The following CELSR1 variants were observed in gnomAD, a reference collection of about 807,000 sequenced individuals.
The protein encoded by CELSR1 is cadherin EGF LAG seven-pass G-type receptor 1, also known as adhesion G protein-coupled receptor C1.
In CELSR1, 110 loss-of-function variants were observed where a neutral mutation model predicts 249.1. That is an observed-to-expected ratio of 0.44 (90% CI 0.38 to 0.52). The LOEUF is 0.52. CELSR1 is among the 20% of genes least tolerant of loss of function. The pLI is 0.00. For synonymous variants in CELSR1, 2,113 were observed against 1,900.0 expected, an observed-to-expected ratio of 1.11 and a Z score of -2.92; for missense variants, 4,109 against 4,296.4, an observed-to-expected ratio of 0.96 and a Z score of 1.22.
At chr22:46,416,108 G>GGGGGGGCGGC (rs1215685608) in intron 5 of CELSR1, among the ~76,000 whole-genome samples, 3 of 127,690 alleles carry the variant, frequency 2.3e-5, no homozygotes, top group South Asian at 4.6e-4. Context: ...GTTGCAGAGG[G>GGGGGGGCGGC]GGGCGGATAA....
At chr22:46,369,868 G>C in intron 25 of CELSR1, 64 bp from the exon 26 acceptor site, 1 of 1,400,286 alleles carries the variant, frequency 7.1e-7, no homozygotes. Flanking sequence ...CCCATGCCAA[G>C]GACCAGCCAG....
chr22:46,404,553 T>TA (rs1240353458), intron 9 of CELSR1, among the ~76,000 whole-genome samples: 10 of 152,258 alleles, frequency 6.6e-5, no homozygotes, highest in African/African-American at 2.2e-4. Context: ...AAAGATTATG[T>TA]AACTAAAACT....
intron 2 of CELSR1, among the ~76,000 whole-genome samples, chr22:46,462,320 C>T (rs143286909): frequency 5.3e-4 from 81 of 152,322 alleles, no homozygotes; most frequent in Middle Eastern, 3.4e-3. Context: ...ACCTGGAGCG[C>T]AGGAAGTCAG....
Position 46,364,244 on chromosome 22 carries a change from C to T in CELSR1, c.8787G>A (p.Leu2929=). The T allele has an allele frequency of 6.2e-7, 1 of 1,608,460 alleles. No individual in the cohort carries two copies. The highest frequency in any genetic ancestry group is 2.2e-5 in the East Asian group (1 of 44,866). ...SQPPEQRKGI[L]KNKVTYPPPL... is the part of the protein sequence containing the mutation. ...GCGGCGGGTAGGTGACTTTATTTTT[C>T]AAGATGCCTGGGAGGAGGAGACACG... is the stretch of plus-strand genomic sequence containing the variant. Residue 2929 remains leucine, a synonymous_variant, in exon 34 of 35, where the codon TTG becomes TTA. Transcript: ENST00000674500.
In CELSR1 at chr22:46,386,447, GCACGTTGCGTGC is replaced by G. The variant is rs2079034623; in HGVS notation, c.6682_6693del (p.Ala2228_Val2231del). The G allele has an allele frequency of 1.2e-6, 2 of 1,600,776 alleles. No individual in the cohort carries two copies. The highest frequency in any genetic ancestry group is 1.7e-6 in the Non-Finnish European group (2 of 1,174,516). On this transcript the variant is annotated inframe_deletion, in exon 19 of 35. Transcript: ENST00000674500. ...ACGAAGGGCCGCAGGTACGTCCGCC[GCACGTTGCGTGC>G]CACGTTGCTGAAGTAGCCCTCGAGG...
chr22:46,517,199 T>C lies in CELSR1; in HGVS notation c.3544+16428A>G, dbSNP rs1438569460. 6.6e-6 allele frequency among the ~76,000 whole-genome samples: 1 copy of C among 152,332 alleles called. No homozygotes were observed. Among genetic ancestry groups the C allele is most frequent in the Non-Finnish European group, 1.5e-5 (1 of 68,028 alleles). On this transcript the variant is annotated intron_variant, in intron 1 of 34. Coordinates refer to ENST00000674500, the MANE Select transcript of CELSR1 (RefSeq NM_001378328.1). This position sits in a 1 kb window ranked among gnomAD's most constrained non-coding sequence, Gnocchi z 5.4. ...GAGCATGGAGCTGCCAGGTGCAAGTTTGGCCCCTGAAGGGGCTTGGCCCAT... is the reference window on the plus strand; with the variant it reads ...GAGCATGGAGCTGCCAGGTGCAAGTCTGGCCCCTGAAGGGGCTTGGCCCAT...
rs2147318701 is a variant in CELSR1 at position 46,407,997 on chromosome 22, C to T, written c.5226+999G>A. On this transcript the variant is annotated intron_variant, in intron 9 of 34. Transcript: ENST00000674500. The surrounding 1 kb of genome is among the most constrained non-coding windows in gnomAD (Gnocchi z 4.8). Reference sequence around the variant, plus strand: ...TCCTGGGGAGGGTCCCCATGGCTGCCTCATGCGGCGGAGGTTGTGGCAGAA... The same window carrying T: ...TCCTGGGGAGGGTCCCCATGGCTGCTTCATGCGGCGGAGGTTGTGGCAGAA... Among the ~76,000 whole-genome samples the T allele has an allele frequency of 6.6e-6, 1 of 152,318 alleles. No individual in the cohort carries two copies. The highest frequency in any genetic ancestry group is 2.1e-4 in the South Asian group (1 of 4,824).
intron 4 of CELSR1, among the ~76,000 whole-genome samples, 184 bp downstream of exon 4, chr22:46,435,990 C>T (rs990038947): frequency 3.9e-5 from 6 of 152,192 alleles, no homozygotes; most frequent in South Asian, 2.1e-4. Context: ...TGAGCCACCA[C>T]GCCCGGCCTG....
intron 1 of CELSR1, among the ~76,000 whole-genome samples, chr22:46,495,644 T>C (rs2080405646): frequency 6.6e-6 from 1 of 151,804 alleles, no homozygotes; most frequent in Admixed American, 6.6e-5. Context: ...GAGACCAGCC[T>C]AGCTAACATG....
In CELSR1 at chr22:46,372,668, C is replaced by G. The variant is rs531517532; in HGVS notation, c.7759+215G>C. 3.2e-4 allele frequency among the ~76,000 whole-genome samples: 48 copies of G among 152,258 alleles called. No homozygotes were observed. In the South Asian group the frequency reaches 9.9e-3, roughly 32 times the overall value. ...ACCCTGAACAGACCTGGACCCAGCT[C>G]TCAATGAGCTCACACCTCACAGAAG... is the stretch of plus-strand genomic sequence containing the variant. On this transcript the variant is annotated intron_variant, in intron 25 of 34. Coordinates refer to ENST00000674500, the MANE Select transcript of CELSR1 (RefSeq NM_001378328.1).
chr22:46,362,967 C>T lies in CELSR1; in HGVS notation c.*256G>A. The T allele has an allele frequency of 1.5e-6, 1 of 646,438 alleles. No individual in the cohort carries two copies. Among genetic ancestry groups the T allele is most frequent in the Non-Finnish European group, 2.6e-6 (1 of 377,718 alleles). The allele number at this position is 646,438 out of a possible 1,614,324, so 40.0% of individuals were successfully genotyped here. On this transcript the variant is annotated 3_prime_UTR_variant, in exon 35 of 35. Transcript: ENST00000674500. ...TGCTGGCCCAGTGGTCCACGCCTCC[C>T]TCATGCCTGTGGCCTTTGGCACTTG...
chr22:46,506,499 A>G lies in CELSR1; in HGVS notation c.3544+27128T>C, dbSNP rs1490749662. Among the ~76,000 whole-genome samples, 1 of 152,166 alleles carries G rather than the reference A, an allele frequency of 6.6e-6. No homozygotes were observed. The highest frequency in any genetic ancestry group is 1.9e-4 in the East Asian group (1 of 5,194). On this transcript the variant is annotated intron_variant, in intron 1 of 34. Coordinates refer to ENST00000674500, the MANE Select transcript of CELSR1 (RefSeq NM_001378328.1). This position sits in a 1 kb window ranked among gnomAD's most constrained non-coding sequence, Gnocchi z 4.1. ...AGTCCAGCCCAACCGGCCCTGCCTC[A>G]GGTCTGCGTTCTGCCAGCCTCAGCC...
At position 46,417,503 on chromosome 22, in the gene CELSR1, G is replaced by C. The variant is rs1000856488; in HGVS notation, c.4612-5744C>G. 1.3e-5 allele frequency among the ~76,000 whole-genome samples: 2 copies of C among 152,170 alleles called. No homozygotes were observed. The highest frequency in any genetic ancestry group is 2.9e-5 in the Non-Finnish European group (2 of 68,050). ...CCGGCTGCTTTTGATGACCTGGCTCGAAGGGTGCGGTATTCCCCCAGGGCT... is the reference window on the plus strand; with the variant it reads ...CCGGCTGCTTTTGATGACCTGGCTCCAAGGGTGCGGTATTCCCCCAGGGCT... On this transcript the variant is annotated intron_variant, in intron 5 of 34. Transcript: ENST00000674500. This position sits in a 1 kb window ranked among gnomAD's most constrained non-coding sequence, Gnocchi z 4.1.
chr22:46,458,238 G>A lies in CELSR1; in HGVS notation c.4183+5469C>T, dbSNP rs532395314. Among the ~76,000 whole-genome samples the A allele has an allele frequency of 7.2e-5, 11 of 152,262 alleles. No homozygotes were observed. The South Asian group carries it at 2.3e-3, about 32-fold the overall frequency. On this transcript the variant is annotated intron_variant, in intron 2 of 34. Transcript: ENST00000674500. ...CAGAGTGACCTCAGCCTGGGGAGCC[G>A]GGGGTGAGGCTAGACCTCTGAGTGC...
At chr22:46,394,791 G>A (rs1330872273) in intron 13 of CELSR1, among the ~76,000 whole-genome samples, 2 of 152,174 alleles carry the variant, frequency 1.3e-5, no homozygotes, top group Middle Eastern at 3.2e-3. Flanking sequence ...GCATGCGCCC[G>A]TGCACTCGGA....
rs1421327800 is a variant in CELSR1 at position 46,433,359 on chromosome 22, TG to T, written c.4611+33del. Reference sequence around the variant, plus strand: ...CCCAGGGCACCTTCTCGAGCCGCCCTGGGGCCAGGGGGAAGTGGTGGGGCCC... The same window carrying T: ...CCCAGGGCACCTTCTCGAGCCGCCCTGGGCCAGGGGGAAGTGGTGGGGCCC... On this transcript the variant is annotated intron_variant, in intron 5 of 34. Coordinates refer to ENST00000674500, the MANE Select transcript of CELSR1 (RefSeq NM_001378328.1). This position sits in a 1 kb window ranked among gnomAD's most constrained non-coding sequence, Gnocchi z 5.7. 2 of 1,581,640 alleles carry T rather than the reference TG, an allele frequency of 1.3e-6. No individual in the cohort carries two copies. Among genetic ancestry groups the T allele is most frequent in the Non-Finnish European group, 8.7e-7 (1 of 1,154,556 alleles).
chr22:46,414,143 C>T lies in CELSR1; in HGVS notation c.4612-2384G>A, dbSNP rs554407171. Among the ~76,000 whole-genome samples, 8 of 152,292 alleles carry T rather than the reference C, an allele frequency of 5.3e-5. No individual in the cohort carries two copies. In the East Asian group the frequency reaches 1.5e-3, roughly 29 times the overall value. ...GAGTGGCACTGACTCATGTGAGACA[C>T]CCACTGCTAGGACACCTGACTTCAG... On this transcript the variant is annotated intron_variant, in intron 5 of 34. Coordinates refer to ENST00000674500, the MANE Select transcript of CELSR1 (RefSeq NM_001378328.1).
rs1023058213 is a variant in CELSR1, at chr22:46,473,797, C to T, written c.3545-9452G>A. ...CAGGGAACTTTGAAGTGGCTGTGTG[C>T]GTCTCTCTCTCTTCTGGGTTTGTTT... On this transcript the variant is annotated intron_variant, in intron 1 of 34. Transcript: ENST00000674500. The surrounding 1 kb of genome is among the most constrained non-coding windows in gnomAD (Gnocchi z 6.6). 9.9e-5 allele frequency among the ~76,000 whole-genome samples: 15 copies of T among 152,260 alleles called. No individual in the cohort carries two copies. The highest frequency in any genetic ancestry group is 1.9e-4 in the East Asian group (1 of 5,174).
intron 23 of CELSR1, among the ~76,000 whole-genome samples, chr22:46,377,802 GC>G (rs1315976957): frequency 6.6e-6 from 1 of 152,230 alleles, no homozygotes; most frequent in African/African-American, 2.4e-5. Flanking sequence ...CCCTCCTCCA[GC>G]CCCGCCTGAG....
Sources: allele counts gnomAD v4.1 joint callset (sites outside exome capture counted in the v4.1 genomes callset), GRCh38; gene constraint gnomAD v4.1.1; non-coding constraint Gnocchi (gnomAD v3.1); transcripts MANE v1.5; gene names NCBI Gene and HGNC (gene_info 2026-07-23, HGNC 2026-07-21).